The following GRAMD1B variants were observed in gnomAD, a reference collection of about 807,000 sequenced individuals.
GRAMD1B encodes the protein protein Aster-B.
Under a neutral mutation model 99.7 loss-of-function variants are expected in GRAMD1B, and 37 were observed. The ratio of observed to expected loss-of-function variants is 0.37; its 90% CI spans 0.29 to 0.49. GRAMD1B has a LOEUF of 0.49. Among genes scored for constraint, GRAMD1B ranks in the 20% least tolerant of loss-of-function variants. The pLI is 0.98. For missense variants in GRAMD1B, 888 were observed against 1,009.2 expected (o/e 0.88, Z 1.63); for synonymous variants, 427 against 387.6 (o/e 1.10, Z -1.19).
chr11:123,563,516 T>C (rs1197372274), intron 2 of GRAMD1B, among the ~76,000 whole-genome samples: 2 of 151,574 alleles, frequency 1.3e-5, no homozygotes, highest in Non-Finnish European at 2.9e-5. Context: ...CTTTTTTTTT[T>C]TTTTCTTTTT....
At chr11:123,582,541 G>T (rs1327642214) in intron 3 of GRAMD1B, among the ~76,000 whole-genome samples, 1 of 152,120 alleles carries the variant, frequency 6.6e-6, no homozygotes, top group Non-Finnish European at 1.5e-5. Context: ...GGGGGACTGG[G>T]AGCCTTGCTA....
intron 1 of GRAMD1B, among the ~76,000 whole-genome samples, chr11:123,378,991 T>G (rs138971971): frequency 6.3e-4 from 96 of 152,294 alleles, no homozygotes; most frequent in African/African-American, 2.3e-3. Context: ...TGATGGGAGT[T>G]GGCAGGGCAT....
At chr11:123,526,124 T>C (rs1942709073) in intron 2 of GRAMD1B, 1 of 1,610,768 alleles carries the variant, frequency 6.2e-7, no homozygotes, top group Non-Finnish European at 8.5e-7. Flanking sequence ...AAGGACACGG[T>C]CAGTGGATTA....
chr11:123,415,721 G>A (rs1234398518), intron 1 of GRAMD1B, among the ~76,000 whole-genome samples: 1 of 152,066 alleles, frequency 6.6e-6, no homozygotes, highest in East Asian at 1.9e-4. Flanking sequence ...AGATTTAATA[G>A]CGACTCTCCT....
chr11:123,418,799 T>C (rs749698002), intron 1 of GRAMD1B, among the ~76,000 whole-genome samples: 4 of 152,180 alleles, frequency 2.6e-5, no homozygotes, highest in Non-Finnish European at 5.9e-5. Context: ...AGGTGCCTCT[T>C]CAAACCTCCC....
intron 2 of GRAMD1B, among the ~76,000 whole-genome samples, chr11:123,483,661 A>G (rs2846065): frequency 0.43 from 65,220 of 151,980 alleles, 16,055 homozygotes; most frequent in African/African-American, 0.68. Context: ...TGTTGGGATT[A>G]CAGGCATTAG....
chr11:123,394,995 C>T (rs1947410764), intron 1 of GRAMD1B, among the ~76,000 whole-genome samples: 1 of 152,186 alleles, frequency 6.6e-6, no homozygotes, highest in African/African-American at 2.4e-5. Flanking sequence ...GCCTAATCAC[C>T]TCTTAAGGTT....
intron 1 of GRAMD1B, among the ~76,000 whole-genome samples, chr11:123,409,993 A>G (rs1947985207): frequency 6.6e-6 from 1 of 152,170 alleles, no homozygotes; most frequent in Admixed American, 6.5e-5. Context: ...TGGAGTCACA[A>G]GATCAGATTT....
intron 2 of GRAMD1B, among the ~76,000 whole-genome samples, chr11:123,533,538 C>T (rs1367886679): frequency 6.6e-6 from 1 of 151,814 alleles, no homozygotes; most frequent in Non-Finnish European, 1.5e-5. Context: ...GTGATTCTCC[C>T]ATCTCAGCCT....
chr11:123,432,902 C>G (rs1024396914), intron 1 of GRAMD1B, among the ~76,000 whole-genome samples: 2 of 152,130 alleles, frequency 1.3e-5, no homozygotes, highest in African/African-American at 4.8e-5. Context: ...AACAACTGAG[C>G]ATGGTTCTCT....
chr11:123,521,995 C>T (rs1942236584), intron 2 of GRAMD1B, among the ~76,000 whole-genome samples: 1 of 152,074 alleles, frequency 6.6e-6, no homozygotes, highest in Non-Finnish European at 1.5e-5. Flanking sequence ...GTGTGTATGC[C>T]ATATTGCCAG....
At position 123,462,892 on chromosome 11, in the gene GRAMD1B, A is replaced by AAT. The variant is rs201179225; in HGVS notation, c.375-17923_375-17922insTA. 9.8e-3 allele frequency among the ~76,000 whole-genome samples: 1,067 copies of AAT among 109,198 alleles called. 1 individual carries two copies. The highest frequency in any genetic ancestry group is 0.012 in the Non-Finnish European group (594 of 51,552). 71.6% of individuals were successfully genotyped at this position (109,198 alleles called of 152,430 possible). ...AGAATTATCAATAAAAAAATAAATT[A>AAT]AAAAAAAAAAAAAAAAAAAAGAAAT... On this transcript the variant is annotated intron_variant, in intron 1 of 19. Coordinates refer to ENST00000635736, the MANE Select transcript of GRAMD1B (RefSeq NM_001387025.1).
chr11:123,417,216 T>C (rs1473008887), intron 1 of GRAMD1B, among the ~76,000 whole-genome samples: 1 of 152,034 alleles, frequency 6.6e-6, no homozygotes, highest in Non-Finnish European at 1.5e-5. Context: ...CTACTAAAAA[T>C]ACAAAAATTA....
intron 2 of GRAMD1B, chr11:123,560,382 G>A: frequency 4.2e-6 from 5 of 1,177,108 alleles, no homozygotes; most frequent in Non-Finnish European, 5.4e-6. Context: ...GCAGAGGGAG[G>A]TGGGGGAGAG....
At chr11:123,402,036 C>A (rs1345188847) in intron 1 of GRAMD1B, among the ~76,000 whole-genome samples, 2 of 152,224 alleles carry the variant, frequency 1.3e-5, no homozygotes, top group Middle Eastern at 3.2e-3. Context: ...TCACTAATGT[C>A]CCCAAAAGGC....
intron 1 of GRAMD1B, among the ~76,000 whole-genome samples, chr11:123,445,480 C>T (rs1423356760): frequency 1.3e-5 from 2 of 151,982 alleles, no homozygotes; most frequent in African/African-American, 4.8e-5. Context: ...CCAGTGTCTA[C>T]GATGAACCAC....
At chr11:123,567,758 A>T (rs1199609348) in intron 2 of GRAMD1B, among the ~76,000 whole-genome samples, 4 of 152,200 alleles carry the variant, frequency 2.6e-5, no homozygotes, top group Admixed American at 6.5e-5. Context: ...CATGGTGATG[A>T]AGGACCTCTT....
intron 2 of GRAMD1B, among the ~76,000 whole-genome samples, chr11:123,557,977 CTTTTTTTTT>C (rs532091098): frequency 8.0e-5 from 8 of 99,938 alleles, no homozygotes; most frequent in Non-Finnish European, 9.9e-5. Context: ...TTCAGTGCAA[CTTTTTTTTT>C]TTTTTTTTTT....
At chr11:123,427,567 C>G (rs1321596399), upstream of GRAMD1B, among the ~76,000 whole-genome samples, 10 of 152,184 alleles carry the variant, frequency 6.6e-5, no homozygotes, top group Admixed American at 6.5e-4. Context: ...TTTCATATTT[C>G]AAAGCAGTGC....
Sources: gnomAD v4.1 joint callset for allele counts (sites outside exome capture counted in the v4.1 genomes callset) on GRCh38, gnomAD v4.1.1 for gene constraint, MANE v1.5 for transcripts, NCBI Gene and HGNC (gene_info 2026-07-23, HGNC 2026-07-21) for gene names.